Variants in DNAI2 observed in about 807,000 individuals in gnomAD.
DNAI2 encodes dynein, axonemal, intermediate polypeptide 2.
In DNAI2, 63 loss-of-function variants were observed where a neutral mutation model predicts 74.7. The observed-to-expected ratio is 0.84, with a 90% CI of 0.69 to 1.04. DNAI2 has a LOEUF of 1.04. DNAI2 is among the 50% of genes least tolerant of loss of function. The probability of loss-of-function intolerance (pLI) is 0.00; values close to 1 mark genes in which losing one functional copy is unlikely to be tolerated. For synonymous variants in DNAI2, 289 were observed against 314.9 expected (o/e 0.92, Z 0.87); for missense variants, 688 against 803.2 (o/e 0.86, Z 1.73).
chr17:74,275,702 AG>A (rs1186588550), intron 1 of DNAI2, among the ~76,000 whole-genome samples: 3 of 151,422 alleles, frequency 2.0e-5, no homozygotes, highest in African/African-American at 7.3e-5. Context: ...ACTCCAGCCT[AG>A]GTGACAGACT....
At chr17:74,298,340 TG>T (rs1284294540) in intron 6 of DNAI2, among the ~76,000 whole-genome samples, 17 of 152,370 alleles carry the variant, frequency 1.1e-4, no homozygotes, top group African/African-American at 3.8e-4. Context: ...AGCCTTGCTT[TG>T]TTGCCCAGGC....
At chr17:74,293,219 A>G (rs963216064) in intron 6 of DNAI2, among the ~76,000 whole-genome samples, 3 of 152,182 alleles carry the variant, frequency 2.0e-5, no homozygotes, top group African/African-American at 7.2e-5. Flanking sequence ...TCTTTCACGT[A>G]GTAATTATGT....
chr17:74,289,804 G>A lies in DNAI2; in HGVS notation c.610+68G>A, dbSNP rs540994651. ...CTGGGACCAGCACAAGTGGAGGAGC[G>A]GGAGGGAGGGGCAGGAGGTCAAGGA... On this transcript the variant is annotated intron_variant, in intron 5 of 13. Transcript: ENST00000311014. The A allele has an allele frequency of 1.2e-4, 198 of 1,602,966 alleles. No homozygotes were observed. In the African/African-American group the frequency reaches 1.7e-3, roughly 14 times the overall value.
intron 2 of DNAI2, among the ~76,000 whole-genome samples, chr17:74,283,896 C>T (rs11652758): frequency 0.33 from 49,577 of 151,528 alleles, 8,965 homozygotes; most frequent in Non-Finnish European, 0.43. Flanking sequence ...CCAGCACTTC[C>T]AGAGGCTGAG....
chr17:74,309,591 G>A (rs1446988487), intron 10 of DNAI2: 2 of 763,750 alleles, frequency 2.6e-6, no homozygotes, highest in Non-Finnish European at 4.5e-6. Flanking sequence ...TGGGGGATTT[G>A]GCATCCTGGT....
intron 1 of DNAI2, among the ~76,000 whole-genome samples, chr17:74,280,488 G>T (rs1274051047): frequency 6.6e-6 from 1 of 152,210 alleles, no homozygotes; most frequent in African/African-American, 2.4e-5. Context: ...TGTCCCGCCT[G>T]TTGGGGAAGC....
rs761320355 is a variant in DNAI2 at position 74,301,862 on chromosome 17, A to AGAAG, written c.987+738_987+741dup. On this transcript the variant is annotated intron_variant, in intron 8 of 13. Coordinates refer to ENST00000311014, the MANE Select transcript of DNAI2 (RefSeq NM_023036.6). ...GAAAGAAAAGGAAAGAAGGAAGGAA[A>AGAAG]GAAGGAAGGAAGGAAGGAAGGAAGG... Among the ~76,000 whole-genome samples the AGAAG allele has an allele frequency of 1.6e-4, 11 of 67,370 alleles. 1 individual carries two copies. The highest frequency in any genetic ancestry group is 1.0e-3 in the East Asian group (2 of 1,974). 44.2% of individuals were successfully genotyped at this position (67,370 alleles called of 152,430 possible).
rs2053113714 is a variant in DNAI2 at position 74,305,214 on chromosome 17, C to T, written c.988-5C>T. 7 of 1,614,158 alleles carry T rather than the reference C, an allele frequency of 4.3e-6. No homozygotes were observed. Among genetic ancestry groups the T allele is most frequent in the Non-Finnish European group, 5.9e-6 (7 of 1,180,022 alleles). ...TCTTCCCCTCCTGTGTCACTCCTTC[C>T]ACAGCCCACCAAGTTCATGGTGGGG... On this transcript the variant is annotated splice_region_variant and splice_polypyrimidine_tract_variant and intron_variant, in intron 8 of 13. Coordinates refer to ENST00000311014, the MANE Select transcript of DNAI2 (RefSeq NM_023036.6).
chr17:74,311,181 T>C (rs1372218636), intron 11 of DNAI2, among the ~76,000 whole-genome samples: 1 of 152,108 alleles, frequency 6.6e-6, no homozygotes, highest in Non-Finnish European at 1.5e-5. Flanking sequence ...GCCTGAAGAC[T>C]TAGTAGAATG....
chr17:74,274,999 G>A (rs1371348991), intron 1 of DNAI2, among the ~76,000 whole-genome samples: 3 of 152,214 alleles, frequency 2.0e-5, no homozygotes, highest in South Asian at 2.1e-4. Flanking sequence ...TTTTCCTCTC[G>A]AATCCTTGGT....
intron 11 of DNAI2, 149 bp from the exon 12 acceptor site, chr17:74,311,854 G>A (rs1408415530): frequency 1.8e-5 from 14 of 770,640 alleles, no homozygotes; most frequent in East Asian, 1.1e-4. Context: ...CTCCTTCCTT[G>A]ACACCAGCCC....
chr17:74,305,127 G>A (rs1226529866), intron 8 of DNAI2, 92 bp from the exon 9 acceptor site: 4 of 1,364,080 alleles, frequency 2.9e-6, no homozygotes, highest in Non-Finnish European at 4.1e-6. Flanking sequence ...TCTAGCGCCT[G>A]CAGACCCCCC....
rs6501706 is a variant in DNAI2 at position 74,285,228 on chromosome 17, A to G, written c.345+27A>G. The stretch of plus-strand genomic sequence containing the variant: ...TAAGGCTTCCTCCTGCCCCAGCTGC[A>G]AGAGCCCCATCCATCACTGCAGCTC... On this transcript the variant is annotated intron_variant, in intron 3 of 13. Transcript: ENST00000311014. The G allele has an allele frequency of 0.99, 1,598,830 of 1,611,748 alleles. 793,740 individuals are homozygous for G. Among genetic ancestry groups the G allele is most frequent in the East Asian group, 1 (44,811 of 44,814 alleles).
At chr17:74,308,683 G>A (rs561525192) in intron 9 of DNAI2, among the ~76,000 whole-genome samples, 14 of 152,084 alleles carry the variant, frequency 9.2e-5, no homozygotes, top group South Asian at 4.2e-4. Context: ...CACCACACCC[G>A]GCTAATTTTT....
At chr17:74,301,669 T>C (rs2052772856) in intron 8 of DNAI2, among the ~76,000 whole-genome samples, 1 of 151,226 alleles carries the variant, frequency 6.6e-6, no homozygotes, top group South Asian at 2.1e-4. Flanking sequence ...TCACTGAGAA[T>C]GACAAAGAAA....
chr17:74,306,032 A>G (rs559562674), intron 9 of DNAI2, among the ~76,000 whole-genome samples: 142 of 152,232 alleles, frequency 9.3e-4, no homozygotes, highest in Non-Finnish European at 1.7e-3. Context: ...TCTTCTCTTC[A>G]TCTCATTTTT....
intron 6 of DNAI2, among the ~76,000 whole-genome samples, chr17:74,291,928 G>A (rs936653259): frequency 1.3e-5 from 2 of 151,338 alleles, no homozygotes; most frequent in Non-Finnish European, 2.9e-5. Context: ...CAGTGGTGCA[G>A]TCTCAGCTCA....
chr17:74,285,582 C>G (rs2051669055), intron 3 of DNAI2, among the ~76,000 whole-genome samples: 1 of 139,832 alleles, frequency 7.2e-6, no homozygotes, highest in Non-Finnish European at 1.6e-5. Flanking sequence ...GTTCTACATA[C>G]TTGCCAGTGC....
At chr17:74,311,133 C>T (rs1403552130) in intron 11 of DNAI2, among the ~76,000 whole-genome samples, 1 of 150,838 alleles carries the variant, frequency 6.6e-6, no homozygotes, top group Non-Finnish European at 1.5e-5. Flanking sequence ...CTCAGCCTCC[C>T]AAACTGCTGG....
Sources: gnomAD v4.1 joint callset for allele counts (sites outside exome capture counted in the v4.1 genomes callset) on GRCh38, gnomAD v4.1.1 for gene constraint, MANE v1.5 for transcripts, NCBI Gene and HGNC (gene_info 2026-07-23, HGNC 2026-07-21) for gene names.